The following GRIP1 variants were observed in gnomAD, a reference collection of about 807,000 sequenced individuals.
GRIP1 encodes the protein glutamate receptor interacting protein 1, also known as glutamate receptor-interacting protein 1.
Under a neutral mutation model 129.9 loss-of-function variants are expected in GRIP1, and 45 were observed. The observed-to-expected ratio is 0.35, with a 90% confidence interval of 0.27 to 0.44. The LOEUF (loss-of-function observed/expected upper bound fraction) is 0.44. GRIP1 is among the 20% of genes least tolerant of loss of function. GRIP1 has a pLI of 1.00. For synonymous variants in GRIP1, 530 were observed against 520.8 expected, an observed-to-expected ratio of 1.02 and a Z score of -0.24; for missense variants, 1,196 against 1,396.8, an observed-to-expected ratio of 0.86 and a Z score of 2.29.
intron 2 of GRIP1, among the ~76,000 whole-genome samples, chr12:66,572,389 A>C (rs1250286961): frequency 6.6e-6 from 1 of 152,176 alleles, no homozygotes; most frequent in East Asian, 1.9e-4. Flanking sequence ...AAACCTGTAA[A>C]TTATAGTAAA....
At chr12:66,935,315 A>C (rs537195884) in intron 1 of GRIP1, among the ~76,000 whole-genome samples, 1 of 152,078 alleles carries the variant, frequency 6.6e-6, no homozygotes, top group African/African-American at 2.4e-5. Flanking sequence ...AATTGATAGA[A>C]GTCTCCATTA....
At chr12:66,843,337 A>C (rs1395369584) in intron 1 of GRIP1, among the ~76,000 whole-genome samples, 1 of 152,164 alleles carries the variant, frequency 6.6e-6, no homozygotes, top group Admixed American at 6.6e-5. Flanking sequence ...CATGAATTGA[A>C]TATGAGAATG....
chr12:66,795,090 G>A (rs936266475), intron 1 of GRIP1, among the ~76,000 whole-genome samples: 1 of 152,180 alleles, frequency 6.6e-6, no homozygotes, highest in Non-Finnish European at 1.5e-5. Context: ...AAAGGTATAA[G>A]TTCATATTCA....
chr12:66,864,134 G>C (rs376060365), intron 1 of GRIP1, among the ~76,000 whole-genome samples: 1 of 151,424 alleles, frequency 6.6e-6, no homozygotes, highest in East Asian at 2.0e-4. Context: ...TGGATCCCGA[G>C]TGGATCTCAT....
intron 1 of GRIP1, among the ~76,000 whole-genome samples, chr12:66,666,514 T>A (rs949732590): frequency 3.3e-5 from 5 of 152,186 alleles, no homozygotes; most frequent in Non-Finnish European, 7.3e-5. Flanking sequence ...TAAAATTCTA[T>A]CATATTATAA....
intron 4 of GRIP1, among the ~76,000 whole-genome samples, chr12:66,537,138 T>C (rs1268350890): frequency 2.0e-5 from 3 of 152,158 alleles, no homozygotes; most frequent in African/African-American, 7.2e-5. Flanking sequence ...ACTTTGATAG[T>C]GCCAGGCACT....
chr12:66,830,221 C>T (rs143998899), intron 1 of GRIP1, among the ~76,000 whole-genome samples: 8 of 152,214 alleles, frequency 5.3e-5, no homozygotes, highest in African/African-American at 1.2e-4. Context: ...TCCACTGCCC[C>T]GCGATGCCCA....
At chr12:66,888,858 T>C (rs1483745595) in intron 1 of GRIP1, among the ~76,000 whole-genome samples, 1 of 152,166 alleles carries the variant, frequency 6.6e-6, no homozygotes, top group Non-Finnish European at 1.5e-5. Context: ...TCAAATATCA[T>C]TGAATAAATA....
intron 1 of GRIP1, among the ~76,000 whole-genome samples, chr12:66,612,401 G>A (rs904561506): frequency 4.6e-5 from 7 of 152,154 alleles, no homozygotes; most frequent in Admixed American, 2.6e-4. Context: ...GGTTCTGTGT[G>A]TAATTCCAGC....
chr12:66,446,377 T>C (rs2058630029), intron 11 of GRIP1, among the ~76,000 whole-genome samples: 1 of 152,120 alleles, frequency 6.6e-6, no homozygotes, highest in African/African-American at 2.4e-5. Context: ...GCAGGTCCTA[T>C]GCTGCACTGA....
At chr12:66,467,291 G>A (rs983646450) in intron 7 of GRIP1, among the ~76,000 whole-genome samples, 2 of 152,112 alleles carry the variant, frequency 1.3e-5, no homozygotes, top group Non-Finnish European at 2.9e-5. Context: ...CCTAACTATG[G>A]TGGATGCTAC....
chr12:66,711,399 C>A (rs1565981532), intron 1 of GRIP1, among the ~76,000 whole-genome samples: 1 of 151,828 alleles, frequency 6.6e-6, no homozygotes, highest in African/African-American at 2.4e-5. Context: ...AATTTATGAG[C>A]ATAATTAAAT....
At chr12:66,682,694 T>C (rs147603588), upstream of GRIP1, among the ~76,000 whole-genome samples, 78 of 152,330 alleles carry the variant, frequency 5.1e-4, no homozygotes, top group Non-Finnish European at 9.8e-4. Context: ...GTTCTTCTGA[T>C]TCTTAACAAG....
chr12:67,002,590 A>T (rs1184424599), intron 1 of GRIP1, among the ~76,000 whole-genome samples: 3 of 152,146 alleles, frequency 2.0e-5, no homozygotes, highest in Non-Finnish European at 2.9e-5. Context: ...AAGAAACAAA[A>T]ACAATTATTT....
chr12:66,656,209 TTC>T (rs1291064096), intron 1 of GRIP1, among the ~76,000 whole-genome samples: 1 of 152,176 alleles, frequency 6.6e-6, no homozygotes, highest in African/African-American at 2.4e-5. Flanking sequence ...GAACAACTTT[TTC>T]TCTCTCTGTA....
intron 1 of GRIP1, among the ~76,000 whole-genome samples, chr12:66,848,309 A>G (rs1322586205): frequency 6.6e-6 from 1 of 151,982 alleles, no homozygotes; most frequent in East Asian, 1.9e-4. Flanking sequence ...TTAATGCATT[A>G]AAGTGAGTCA....
chr12:66,684,011 ACC>A (rs2034685591), upstream of GRIP1, among the ~76,000 whole-genome samples: 1 of 152,166 alleles, frequency 6.6e-6, no homozygotes, highest in Admixed American at 6.5e-5. Flanking sequence ...TGGCTGCGTG[ACC>A]TTGGGCAAGT....
chr12:66,379,598 C>T (rs2056001829), intron 19 of GRIP1, among the ~76,000 whole-genome samples, 162 bp from the exon 20 acceptor site: 1 of 152,154 alleles, frequency 6.6e-6, no homozygotes, highest in Non-Finnish European at 1.5e-5. Flanking sequence ...TCACCAAGTA[C>T]TTCATTTTGA....
At chr12:67,050,838 T>C (rs963844498) in intron 1 of GRIP1, among the ~76,000 whole-genome samples, 6 of 152,146 alleles carry the variant, frequency 3.9e-5, no homozygotes, top group Non-Finnish European at 7.3e-5. Flanking sequence ...AGAGGCACAA[T>C]GAACTTTCAT....
Sources: allele counts gnomAD v4.1 joint callset (sites outside exome capture counted in the v4.1 genomes callset), GRCh38; gene constraint gnomAD v4.1.1; transcripts MANE v1.5; gene names NCBI Gene and HGNC (gene_info 2026-07-23, HGNC 2026-07-21).